The following FMN2 variants were observed in gnomAD, a reference collection of about 807,000 sequenced individuals.
FMN2 encodes formin 2.
FMN2 carries 51 observed loss-of-function variants against 142.3 expected under a neutral mutation model. That is an observed-to-expected ratio of 0.36 (90% CI 0.29 to 0.45). FMN2 has a LOEUF of 0.45. Ranked by LOEUF, FMN2 falls within the 20% of genes least tolerant of loss-of-function variation. The probability of loss-of-function intolerance (pLI) is 1.00; values close to 1 mark genes in which losing one functional copy is unlikely to be tolerated. For synonymous variants in FMN2, 882 were observed against 869.8 expected (o/e 1.01, Z -0.25); for missense variants, 1,936 against 2,122.8 (o/e 0.91, Z 1.73).
chr1:240,123,509 A>C (rs148978243), intron 2 of FMN2, among the ~76,000 whole-genome samples, 164 bp downstream of exon 2: 15 of 143,164 alleles, frequency 1.0e-4, no homozygotes, highest in Non-Finnish European at 9.3e-5. Context: ...TGTACACAAA[A>C]AAAAAAAAAA....
At chr1:240,159,426 A>G (rs1299807320) in intron 2 of FMN2, among the ~76,000 whole-genome samples, 1 of 152,096 alleles carries the variant, frequency 6.6e-6, no homozygotes, top group Non-Finnish European at 1.5e-5. Context: ...ATTTGACAGT[A>G]GTAGCCCCAC....
intron 2 of FMN2, among the ~76,000 whole-genome samples, chr1:240,175,206 A>T (rs12093640): frequency 2.0e-5 from 3 of 151,862 alleles, no homozygotes; most frequent in Non-Finnish European, 4.4e-5. Flanking sequence ...TATATATATC[A>T]CATTTTGTTT....
At chr1:240,358,709 C>T (rs114963467) in intron 14 of FMN2, among the ~76,000 whole-genome samples, 5,405 of 152,202 alleles carry the variant, frequency 0.036, 324 homozygotes, top group African/African-American at 0.12. Context: ...ATCATAAGAA[C>T]GGCATGGAGA....
chr1:240,354,014 G>A (rs907930402), intron 13 of FMN2, among the ~76,000 whole-genome samples: 3 of 152,130 alleles, frequency 2.0e-5, no homozygotes, highest in East Asian at 1.9e-4. Context: ...TTAAAAGTTG[G>A]CAAGGTCTAC....
intron 8 of FMN2, among the ~76,000 whole-genome samples, chr1:240,307,284 C>G (rs1444661669): frequency 6.6e-6 from 1 of 152,062 alleles, no homozygotes; most frequent in Non-Finnish European, 1.5e-5. Flanking sequence ...GGTTTTGTTG[C>G]ATTTGTTTTT....
In FMN2 at chr1:240,171,003, A is replaced by G. The variant is rs575493239; in HGVS notation, c.1783-6918A>G. On this transcript the variant is annotated intron_variant, in intron 2 of 17. Transcript: ENST00000319653. ...GGAATGTCAAGGTCGTGAGAGCAGC[A>G]CTTGAGGCATGTCAGCAGGGCTGGG... 2.0e-3 allele frequency: 1,665 copies of G among 831,182 alleles called. 8 individuals carry two copies. Among genetic ancestry groups the G allele is most frequent in the Non-Finnish European group, 2.5e-3 (1,170 of 468,948 alleles). 51.5% of individuals were successfully genotyped at this position (831,182 alleles called of 1,614,324 possible).
At chr1:240,227,839 T>G (rs1371080290) in intron 6 of FMN2, among the ~76,000 whole-genome samples, 1 of 152,050 alleles carries the variant, frequency 6.6e-6, no homozygotes, top group Non-Finnish European at 1.5e-5. Flanking sequence ...ACATCAAAGT[T>G]AACAATTTTG....
intron 15 of FMN2, among the ~76,000 whole-genome samples, chr1:240,435,360 A>G (rs9726995): frequency 0.11 from 16,093 of 151,788 alleles, 2,027 homozygotes; most frequent in African/African-American, 0.31. Context: ...CACTAGTATC[A>G]GAAGCTTTTG....
intron 11 of FMN2, among the ~76,000 whole-genome samples, chr1:240,331,865 G>A (rs918167979): frequency 6.6e-5 from 10 of 152,288 alleles, no homozygotes; most frequent in East Asian, 1.9e-4. Context: ...TTATAATAAA[G>A]TGCTGAATAT....
chr1:240,373,657 T>C (rs1321979803), intron 14 of FMN2, among the ~76,000 whole-genome samples: 1 of 152,206 alleles, frequency 6.6e-6, no homozygotes, highest in Admixed American at 6.5e-5. Context: ...TTTGGTCACA[T>C]CCTCAGGCTC....
chr1:240,148,980 AT>A (rs201081880), intron 2 of FMN2, among the ~76,000 whole-genome samples: 54 of 137,908 alleles, frequency 3.9e-4, no homozygotes, highest in African/African-American at 1.2e-3. Context: ...TCAAAAAAAA[AT>A]AAATAAATAA....
chr1:240,386,724 C>A (rs1411238619), intron 14 of FMN2, among the ~76,000 whole-genome samples: 2 of 152,074 alleles, frequency 1.3e-5, no homozygotes, highest in African/African-American at 2.4e-5. Context: ...GAGAAGATAT[C>A]ACCAAATGCA....
chr1:240,379,317 A>T (rs967084500), intron 14 of FMN2, among the ~76,000 whole-genome samples: 2 of 152,024 alleles, frequency 1.3e-5, no homozygotes, highest in African/African-American at 4.8e-5. Context: ...AAGCTTTGGG[A>T]ATTGTTAAGC....
chr1:240,186,745 G>A lies in FMN2; in HGVS notation c.1931-1462G>A, dbSNP rs75942178. On this transcript the variant is annotated intron_variant, in intron 3 of 17. Coordinates refer to ENST00000319653, the MANE Select transcript of FMN2 (RefSeq NM_020066.5). ...CCAGGGTGGCTGGCCTGGTGAGCAA[G>A]TTGGGACAGATGGAGGTGGGTAGAG... Among the ~76,000 whole-genome samples, 33 of 152,312 alleles carry A rather than the reference G, an allele frequency of 2.2e-4. No homozygotes were observed. In the South Asian group the frequency reaches 3.7e-3, roughly 17 times the overall value.
chr1:240,187,102 CAAA>C (rs35262264), intron 3 of FMN2, among the ~76,000 whole-genome samples: 2 of 117,378 alleles, frequency 1.7e-5, no homozygotes, highest in Non-Finnish European at 1.8e-5. Context: ...CCGTCTGTAC[CAAA>C]AAAAAAAAAA....
At chr1:240,168,400 A>G (rs1488894959) in intron 2 of FMN2, among the ~76,000 whole-genome samples, 1 of 152,070 alleles carries the variant, frequency 6.6e-6, no homozygotes, top group Non-Finnish European at 1.5e-5. Context: ...CAGCCTGGGC[A>G]ACATAGCAAG....
intron 14 of FMN2, among the ~76,000 whole-genome samples, chr1:240,380,223 T>A (rs986636466): frequency 1.3e-5 from 2 of 152,164 alleles, no homozygotes; most frequent in African/African-American, 4.8e-5. Flanking sequence ...AAATTGACCA[T>A]GTGCTTAGCC....
At chr1:240,472,174 C>T in intron 16 of FMN2, 198 bp from the exon 17 acceptor site, 1 of 512,988 alleles carries the variant, frequency 1.9e-6, no homozygotes, top group Non-Finnish European at 3.4e-6. Flanking sequence ...AAGTTAAGAA[C>T]TCCTAGATAA....
chr1:240,295,762 C>T (rs538812758), intron 8 of FMN2, among the ~76,000 whole-genome samples: 2 of 152,266 alleles, frequency 1.3e-5, no homozygotes, highest in Admixed American at 1.3e-4. Context: ...CTTTTCATTT[C>T]CTTTGGATGT....
Sources: allele counts gnomAD v4.1 joint callset (sites outside exome capture counted in the v4.1 genomes callset), GRCh38; gene constraint gnomAD v4.1.1; transcripts MANE v1.5; gene names NCBI Gene and HGNC (gene_info 2026-07-23, HGNC 2026-07-21).